The following GTF2A1 variants were observed in gnomAD, a reference collection of about 807,000 sequenced individuals.
GTF2A1 encodes the protein transcription initiation factor IIA subunit 1.
Under a neutral mutation model 54.1 loss-of-function variants are expected in GTF2A1, and 12 were observed. That is an observed-to-expected ratio of 0.22 (90% CI 0.14 to 0.36). GTF2A1 has a LOEUF of 0.36. Ranked by LOEUF, GTF2A1 falls within the 10% of genes least tolerant of loss-of-function variation. The probability of loss-of-function intolerance (pLI) is 1.00; values close to 1 mark genes in which losing one functional copy is unlikely to be tolerated. For missense variants in GTF2A1, 335 were observed against 442.2 expected (o/e 0.76, Z 2.17); for synonymous variants, 145 against 152.0 (o/e 0.95, Z 0.34).
At chr14:81,218,986 T>C (rs1893546234) in intron 1 of GTF2A1, among the ~76,000 whole-genome samples, 1 of 151,988 alleles carries the variant, frequency 6.6e-6, no homozygotes, top group East Asian at 1.9e-4. Flanking sequence ...CCTGAATACT[T>C]GAACAAAACA....
At chr14:81,185,999 C>T (rs1023453777) in intron 7 of GTF2A1, among the ~76,000 whole-genome samples, 12 of 152,274 alleles carry the variant, frequency 7.9e-5, no homozygotes, top group Admixed American at 3.9e-4. Context: ...ACTACTGGCA[C>T]GCGCCACCAC....
intron 4 of GTF2A1, 36 bp from the exon 5 acceptor site, chr14:81,197,520 A>C: frequency 9.1e-7 from 1 of 1,094,314 alleles, no homozygotes; most frequent in Non-Finnish European, 1.4e-6. Context: ...AAAACCACAT[A>C]CATGTATAAT....
rs543735445 is a variant in GTF2A1, at chr14:81,195,779, C to T, written c.612+329G>A. ...ACTAGAGTCATGTCTGTGTCATTCA[C>T]TCCTAAATCCCCTGACCCTTGTGAA... On this transcript the variant is annotated intron_variant, in intron 6 of 8. Coordinates refer to ENST00000553612, the MANE Select transcript of GTF2A1 (RefSeq NM_015859.4). Among the ~76,000 whole-genome samples the T allele has an allele frequency of 3.9e-5, 6 of 152,236 alleles. No homozygotes were observed. The East Asian group carries it at 5.8e-4, about 15-fold the overall frequency.
intron 7 of GTF2A1, among the ~76,000 whole-genome samples, chr14:81,187,194 A>G (rs1198678575): frequency 6.6e-6 from 1 of 151,984 alleles, no homozygotes; most frequent in Non-Finnish European, 1.5e-5. Flanking sequence ...CTCTACTAAA[A>G]ATACAAAAAA....
chr14:81,202,766 C>A (rs752477437), intron 3 of GTF2A1: 1 of 518,290 alleles, frequency 1.9e-6, no homozygotes, highest in Non-Finnish European at 3.8e-6. Context: ...TGAAGAAAAT[C>A]AAATTTTAAT....
intron 5 of GTF2A1, among the ~76,000 whole-genome samples, chr14:81,196,599 T>C (rs1257281649): frequency 6.6e-6 from 1 of 152,236 alleles, no homozygotes; most frequent in African/African-American, 2.4e-5. Flanking sequence ...GCTGTTCATT[T>C]TTAAAGCTTT....
intron 2 of GTF2A1, among the ~76,000 whole-genome samples, chr14:81,214,589 T>C (rs1893445401): frequency 1.3e-5 from 2 of 150,430 alleles, no homozygotes; most frequent in South Asian, 4.2e-4. Context: ...AAGCTTGCAG[T>C]GAGCCAAGAT....
intron 2 of GTF2A1, among the ~76,000 whole-genome samples, chr14:81,215,386 T>C (rs1425405002): frequency 6.6e-6 from 1 of 152,184 alleles, no homozygotes; most frequent in African/African-American, 2.4e-5. Context: ...AACTATGATT[T>C]TCCAGACTTA....
In GTF2A1 at chr14:81,192,570, A is replaced by T. The variant is rs754481422; in HGVS notation, c.882T>A (p.Asp294Glu). ...DEDEEEDYDD[D>E]EEEDKEKDGA... ...CATCTTTCTCTTTGTCTTCCTCCTC[A>T]TCATCATCATAGTCTTCTTCTTCAT... is the stretch of plus-strand genomic sequence containing the variant. Residue 294 changes from aspartate to glutamate, a missense_variant, in exon 7 of 9, where the codon GAT becomes GAA. Around this residue, in one of 2 missense-constraint regions of GTF2A1, gnomAD observed 306 missense variants for 360.4 expected, o/e 0.85. Transcript: ENST00000553612. 2 of 1,611,634 alleles carry T rather than the reference A, an allele frequency of 1.2e-6. No homozygotes were observed. Among genetic ancestry groups the T allele is most frequent in the South Asian group, 1.1e-5 (1 of 90,986 alleles).
Position 81,180,171 on chromosome 14 carries a change from C to G in GTF2A1, c.*52G>C. 1 of 799,508 alleles carries G rather than the reference C, an allele frequency of 1.3e-6. No individual in the cohort carries two copies. The highest frequency in any genetic ancestry group is 2.9e-4 in the Middle Eastern group (1 of 3,466). The allele number at this position is 799,508 out of a possible 1,614,324, so 49.5% of individuals were successfully genotyped here. ...TATGCCCCAAGTTTCAAACTGTCCG[C>G]TTTACATTTTTTTTAAGTTTCTTTT... On this transcript the variant is annotated 3_prime_UTR_variant, in exon 9 of 9. Coordinates refer to ENST00000553612, the MANE Select transcript of GTF2A1 (RefSeq NM_015859.4).
intron 7 of GTF2A1, among the ~76,000 whole-genome samples, chr14:81,186,862 G>A (rs1261493926): frequency 6.6e-6 from 1 of 151,832 alleles, no homozygotes; most frequent in Non-Finnish European, 1.5e-5. Context: ...AGGGTGGGAG[G>A]ATTACTTGAA....
chr14:81,192,540 A>T lies in GTF2A1; in HGVS notation c.912T>A (p.Ala304=). Residue 304 remains alanine, a synonymous_variant, in exon 7 of 9, where the codon GCT becomes GCA. Coordinates refer to ENST00000553612, the MANE Select transcript of GTF2A1 (RefSeq NM_015859.4). ...DEEEDKEKDG[A]EDGQVEEEPL... ...TTACTTCTTCCACCTGCCCATCTTC[A>T]GCTCCATCTTTCTCTTTGTCTTCCT... The T allele has an allele frequency of 6.2e-7, 1 of 1,609,944 alleles. No homozygotes were observed. Among genetic ancestry groups the T allele is most frequent in the Non-Finnish European group, 8.5e-7 (1 of 1,177,896 alleles).
intron 5 of GTF2A1, 121 bp downstream of exon 5, chr14:81,197,288 C>T (rs935008928): frequency 1.6e-6 from 1 of 607,306 alleles, no homozygotes; most frequent in Non-Finnish European, 3.0e-6. Flanking sequence ...TTTTAATAAC[C>T]TAAACCAAAT....
At chr14:81,199,988 T>TA (rs1361139230) in intron 4 of GTF2A1, among the ~76,000 whole-genome samples, 2 of 152,008 alleles carry the variant, frequency 1.3e-5, no homozygotes, top group Non-Finnish European at 2.9e-5. Flanking sequence ...ATTGGGGCCT[T>TA]AGACTTAAAA....
rs910420133 is a variant in GTF2A1, at chr14:81,179,262, C to T, written c.*961G>A. ...CCAGGTCCTCACCACCTGCCCTATG[C>T]TAATCAATGCACAGACTGTTAACTG... On this transcript the variant is annotated 3_prime_UTR_variant, in exon 9 of 9. Coordinates refer to ENST00000553612, the MANE Select transcript of GTF2A1 (RefSeq NM_015859.4). The T allele has an allele frequency of 3.9e-5, 6 of 152,190 alleles. No homozygotes were observed. Among genetic ancestry groups the T allele is most frequent in the African/African-American group, 1.4e-4 (6 of 41,448 alleles). 9.4% of individuals were successfully genotyped at this position (152,190 alleles called of 1,614,324 possible).
Position 81,179,054 on chromosome 14 carries a change from G to A in GTF2A1, c.*1169C>T, listed in dbSNP as rs1010680558. ...TGGAGCCAACGTCTTTATTTTCAAT[G>A]GCCTGGAAGGGCCACCAAATGAAAG... is the stretch of plus-strand genomic sequence containing the variant. On this transcript the variant is annotated 3_prime_UTR_variant, in exon 9 of 9. Coordinates refer to ENST00000553612, the MANE Select transcript of GTF2A1 (RefSeq NM_015859.4). The A allele has an allele frequency of 2.0e-5, 3 of 152,064 alleles. No individual in the cohort carries two copies. The highest frequency in any genetic ancestry group is 4.4e-5 in the Non-Finnish European group (3 of 68,014). 9.4% of individuals were successfully genotyped at this position (152,064 alleles called of 1,614,324 possible).
In GTF2A1 at chr14:81,201,516, T is replaced by C. The variant is rs531697952; in HGVS notation, c.402+78A>G. The C allele has an allele frequency of 6.2e-6, 5 of 802,564 alleles. No individual in the cohort carries two copies. The South Asian group carries it at 7.9e-5, about 13-fold the overall frequency. 49.7% of individuals were successfully genotyped at this position (802,564 alleles called of 1,614,324 possible). A position where few individuals can be genotyped will look rare whatever the true frequency, so the allele number is the denominator to read the frequency against. On this transcript the variant is annotated intron_variant, in intron 4 of 8. Transcript: ENST00000553612. ...TTCAATAAACTTCAAGTAGTTAATA[T>C]AGGACATATATAGGCATAATTACAA...
intron 7 of GTF2A1, 128 bp from the exon 8 acceptor site, chr14:81,185,748 A>G (rs1385381034): frequency 8.0e-6 from 4 of 502,430 alleles, no homozygotes; most frequent in Non-Finnish European, 1.4e-5. Flanking sequence ...CATGAATTTA[A>G]TATTGTCAAA....
intron 2 of GTF2A1, among the ~76,000 whole-genome samples, chr14:81,207,139 GTACCTACCTACC>G (rs58629753): frequency 0.12 from 17,634 of 147,778 alleles, 1,124 homozygotes; most frequent in African/African-American, 0.15. Flanking sequence ...ACCTACCTAC[GTACCTACCTACC>G]TACCTACCTA....
Sources: allele counts gnomAD v4.1 joint callset (sites outside exome capture counted in the v4.1 genomes callset), GRCh38; gene constraint gnomAD v4.1.1; regional missense constraint gnomAD v4.1.1; transcripts MANE v1.5; gene names NCBI Gene and HGNC (gene_info 2026-07-23, HGNC 2026-07-21).